WDFY4: variants seen among roughly 807,000 people sequenced by gnomAD.
The protein encoded by WDFY4 is WDFY family member 4.
Under a neutral mutation model 351.9 loss-of-function variants are expected in WDFY4, and 169 were observed. That is an observed-to-expected ratio of 0.48 (90% CI 0.42 to 0.55). WDFY4 has a LOEUF of 0.55. Ranked by LOEUF, WDFY4 falls within the 20% of genes least tolerant of loss-of-function variation. The probability of loss-of-function intolerance (pLI) is 0.00; values close to 1 mark genes in which losing one functional copy is unlikely to be tolerated. For missense variants in WDFY4, 3,803 were observed against 3,935.6 expected, an observed-to-expected ratio of 0.97 and a Z score of 0.90; for synonymous variants, 1,622 against 1,574.6, an observed-to-expected ratio of 1.03 and a Z score of -0.71.
At chr10:48,764,904 G>C (rs555535250) in intron 13 of WDFY4, among the ~76,000 whole-genome samples, 15 of 152,350 alleles carry the variant, frequency 9.8e-5, no homozygotes, top group African/African-American at 3.4e-4. Flanking sequence ...TTGGGACACA[G>C]GAGAGGGAAA....
chr10:48,717,342 G>C lies in WDFY4; in HGVS notation c.235-2669G>C, dbSNP rs145823494. On this transcript the variant is annotated intron_variant, in intron 2 of 61. Transcript: ENST00000325239. ...GGTTGTTTTAGCAAAGTTCTAACCC[G>C]CTACTTTAAAAAAATTTACATAAGC... 4.5e-4 allele frequency among the ~76,000 whole-genome samples: 69 copies of C among 152,202 alleles called. 1 individual carries two copies. The highest frequency in any genetic ancestry group is 7.9e-4 in the Non-Finnish European group (54 of 68,020).
At chr10:48,786,586 T>C in intron 19 of WDFY4, 53 bp from the exon 20 acceptor site, 3 of 1,355,478 alleles carry the variant, frequency 2.2e-6, no homozygotes, top group South Asian at 1.3e-5. Context: ...TGTATTTACT[T>C]GATTAACTCT....
At chr10:48,936,562 G>A (rs1266027348) in intron 47 of WDFY4, among the ~76,000 whole-genome samples, 1 of 151,974 alleles carries the variant, frequency 6.6e-6, no homozygotes, top group African/African-American at 2.4e-5. Context: ...CTCAGGCCAG[G>A]TGTGGTGGCT....
chr10:48,760,483 C>T, intron 13 of WDFY4, 43 bp downstream of exon 13: 1 of 1,536,726 alleles, frequency 6.5e-7, no homozygotes. Context: ...CTTCACATGA[C>T]TGATCTCTCA....
chr10:48,805,887 C>T lies in WDFY4; in HGVS notation c.4647-117C>T. The T allele has an allele frequency of 8.5e-6, 7 of 826,230 alleles. No individual in the cohort carries two copies. In the South Asian group the frequency reaches 8.9e-5, roughly 10 times the overall value. The allele number at this position is 826,230 out of a possible 1,614,324, so 51.2% of individuals were successfully genotyped here. A position where few individuals can be genotyped will look rare whatever the true frequency, so the allele number is the denominator to read the frequency against. On this transcript the variant is annotated intron_variant, in intron 26 of 61. Coordinates refer to ENST00000325239, the MANE Select transcript of WDFY4 (RefSeq NM_001394531.1). ...ATACACAGCATGCCATGATGATTTC[C>T]CTTAAACTCTCACTTGCAGCTGCAC...
At position 48,731,214 on chromosome 10, in the gene WDFY4, A is replaced by T. The variant is rs538293317; in HGVS notation, c.1234A>T (p.Met412Leu). The change falls in exon 9 of 62, where the codon ATG (methionine) becomes TTG (leucine). Residue 412 changes from methionine (M) to leucine (L), a missense_variant. Physicochemically the swap from Met to Leu is conservative, Grantham distance 15. Coordinates refer to ENST00000325239, the MANE Select transcript of WDFY4 (RefSeq NM_001394531.1). ...ACAAGTCTTGTCAGTCATCAGGACC[A>T]TGTGGGCCTGGAATGCTCGAAACTT... ...CIQVLSVIRTMWAWNARNFFL... is the reference protein window; with the variant it reads ...CIQVLSVIRTLWAWNARNFFL... The T allele has an allele frequency of 6.4e-7, 1 of 1,551,882 alleles. No homozygotes were observed. Among genetic ancestry groups the T allele is most frequent in the African/African-American group, 1.4e-5 (1 of 73,186 alleles).
intron 14 of WDFY4, 98 bp from the exon 15 acceptor site, chr10:48,775,614 G>A (rs1231372728): frequency 2.6e-6 from 3 of 1,165,398 alleles, no homozygotes; most frequent in Non-Finnish European, 3.7e-6. Context: ...TGGGAGGTCA[G>A]GGAGCTCCAG....
At chr10:48,823,014 T>G (rs1057313992) in intron 35 of WDFY4, among the ~76,000 whole-genome samples, 1 of 152,254 alleles carries the variant, frequency 6.6e-6, no homozygotes, top group Non-Finnish European at 1.5e-5. Flanking sequence ...TTCTTGCCTG[T>G]GCCCTTTCTT....
At position 48,785,161 on chromosome 10, in the gene WDFY4, T is replaced by C. The variant is rs114922459; in HGVS notation, c.3577-1478T>C. On this transcript the variant is annotated intron_variant, in intron 19 of 61. Transcript: ENST00000325239. ...AGACGTGAGCCATTGCGCCTGGCCT[T>C]AAACTGTTGAGTTTTAAGGGTTTTA... Among the ~76,000 whole-genome samples, 754 of 152,274 alleles carry C rather than the reference T, an allele frequency of 5.0e-3. 3 individuals are homozygous for C. Among genetic ancestry groups the C allele is most frequent in the African/African-American group, 0.018 (730 of 41,578 alleles).
rs115867523 is a variant in WDFY4, at chr10:48,885,971, A to T, written c.7168-4608A>T. ...TCTAAAAAATAAGAATACTTATTCC[A>T]TATGCCAATACTATTAGAATGTATT... On this transcript the variant is annotated intron_variant, in intron 43 of 61. Coordinates refer to ENST00000325239, the MANE Select transcript of WDFY4 (RefSeq NM_001394531.1). Among the ~76,000 whole-genome samples the T allele has an allele frequency of 2.6e-3, 401 of 152,320 alleles. 5 individuals carry two copies. Among genetic ancestry groups the T allele is most frequent in the African/African-American group, 9.1e-3 (380 of 41,566 alleles).
At chr10:48,771,615 C>G (rs80180887) in intron 13 of WDFY4, among the ~76,000 whole-genome samples, 2,058 of 152,300 alleles carry the variant, frequency 0.014, 51 homozygotes, top group African/African-American at 0.047. Flanking sequence ...CTTCAAGAGC[C>G]TTGTGAAATG....
intron 40 of WDFY4, among the ~76,000 whole-genome samples, chr10:48,870,348 C>CTG (rs967378437): frequency 6.6e-6 from 1 of 152,060 alleles, no homozygotes; most frequent in Non-Finnish European, 1.5e-5. Context: ...CCAGACTGGG[C>CTG]ATCATTGCGA....
intron 20 of WDFY4, 71 bp downstream of exon 20, chr10:48,786,941 C>A (rs2066423526): frequency 7.4e-7 from 1 of 1,357,152 alleles, no homozygotes; most frequent in Non-Finnish European, 1.0e-6. Flanking sequence ...TTATTTGTAG[C>A]AGATTTGCAG....
chr10:48,927,353 T>C (rs1379356070), intron 47 of WDFY4, among the ~76,000 whole-genome samples: 2 of 152,202 alleles, frequency 1.3e-5, no homozygotes, highest in Non-Finnish European at 1.5e-5. Context: ...GTGGTAGGAA[T>C]ATCCCTCCTA....
rs535669602 is a variant in WDFY4 at position 48,731,294 on chromosome 10, C to T, written c.1314C>T (p.Pro438=). The T allele has an allele frequency of 7.9e-5, 122 of 1,551,914 alleles. No individual in the cohort carries two copies. The South Asian group carries it at 1.2e-3, about 16-fold the overall frequency. ...TCTCGCAGTTTGTAGAGATCATGCCCCTGAAGCCGGCCCCAGTGCAGGAAC... is the reference window on the plus strand; with the variant it reads ...TCTCGCAGTTTGTAGAGATCATGCCTCTGAAGCCGGCCCCAGTGCAGGAAC... ...QPISQFVEIM[P]LKPAPVQEHF... The change falls in exon 9 of 62, where the codon CCC becomes CCT. Residue 438 remains proline, a synonymous_variant. Coordinates refer to ENST00000325239, the MANE Select transcript of WDFY4 (RefSeq NM_001394531.1).
intron 47 of WDFY4, among the ~76,000 whole-genome samples, chr10:48,906,527 G>A (rs933921016): frequency 2.0e-5 from 3 of 152,338 alleles, no homozygotes; most frequent in South Asian, 2.1e-4. Context: ...TCTGCAAGCC[G>A]ACAGGGCCTT....
At chr10:48,939,729 T>A (rs544730468) in intron 47 of WDFY4, among the ~76,000 whole-genome samples, 33 of 152,322 alleles carry the variant, frequency 2.2e-4, no homozygotes, top group Non-Finnish European at 3.2e-4. Flanking sequence ...ACAATATTTT[T>A]AAAAAATAGA....
At chr10:48,705,811 A>G (rs1424244815) in intron 1 of WDFY4, among the ~76,000 whole-genome samples, 1 of 152,202 alleles carries the variant, frequency 6.6e-6, no homozygotes, top group Non-Finnish European at 1.5e-5. Flanking sequence ...ATCTCCAGCT[A>G]AGTCCCCACC....
At chr10:48,685,876 C>A (rs929644650) in intron 1 of WDFY4, among the ~76,000 whole-genome samples, 1 of 133,926 alleles carries the variant, frequency 7.5e-6, no homozygotes, top group Non-Finnish European at 1.6e-5. Context: ...CAGGGGTCTA[C>A]GGTGCTCAGC....
Sources: gnomAD v4.1 joint callset for allele counts (sites outside exome capture counted in the v4.1 genomes callset) on GRCh38, gnomAD v4.1.1 for gene constraint, MANE v1.5 for transcripts, NCBI Gene and HGNC (gene_info 2026-07-23, HGNC 2026-07-21) for gene names.